NARS2: variants seen among roughly 807,000 people sequenced by gnomAD.
The protein encoded by NARS2 is asparaginyl-tRNA synthetase.
Under a neutral mutation model 62.9 loss-of-function variants are expected in NARS2, and 60 were observed. That is an observed-to-expected ratio of 0.95 (90% CI 0.77 to 1.18). The LOEUF (loss-of-function observed/expected upper bound fraction) is 1.18. Among genes scored for constraint, NARS2 ranks in the 50% most tolerant of loss-of-function variants. NARS2 has a pLI of 0.00. For missense variants in NARS2, 619 were observed against 576.4 expected (o/e 1.07, Z -0.76); for synonymous variants, 196 against 200.0 (o/e 0.98, Z 0.17).
chr11:78,517,716 A>T (rs898652009), intron 6 of NARS2, among the ~76,000 whole-genome samples: 1 of 152,186 alleles, frequency 6.6e-6, no homozygotes, highest in African/African-American at 2.4e-5. Flanking sequence ...AGGGAAGCTA[A>T]ATATTCCTAC....
chr11:78,465,103 C>T (rs779439217), intron 11 of NARS2, among the ~76,000 whole-genome samples: 8 of 152,334 alleles, frequency 5.3e-5, no homozygotes, highest in East Asian at 1.9e-4. Context: ...CTGCAGGTCC[C>T]GAGCCCTGCC....
At chr11:78,494,777 A>C (rs953591069) in intron 6 of NARS2, among the ~76,000 whole-genome samples, 2 of 152,172 alleles carry the variant, frequency 1.3e-5, no homozygotes, top group Non-Finnish European at 2.9e-5. Flanking sequence ...AACCTACCTT[A>C]TGCAGAATGA....
chr11:78,492,106 TATAC>T (rs1258344910), intron 7 of NARS2, among the ~76,000 whole-genome samples: 2 of 136,976 alleles, frequency 1.5e-5, no homozygotes, highest in African/African-American at 2.7e-5. Flanking sequence ...TATATATATA[TATAC>T]AGACACACAC....
intron 6 of NARS2, among the ~76,000 whole-genome samples, chr11:78,506,872 G>A (rs1205921283): frequency 6.6e-6 from 1 of 152,094 alleles, no homozygotes; most frequent in African/African-American, 2.4e-5. Flanking sequence ...GCAGTCTATG[G>A]AATACCCGCA....
chr11:78,509,706 G>T (rs1860641734), intron 6 of NARS2, among the ~76,000 whole-genome samples: 1 of 151,810 alleles, frequency 6.6e-6, no homozygotes. Flanking sequence ...ACTGAAAGGG[G>T]TGAAGAAGGG....
intron 10 of NARS2, 46 bp downstream of exon 10, chr11:78,469,201 G>A (rs1858761009): frequency 1.6e-6 from 2 of 1,280,178 alleles, no homozygotes; most frequent in African/African-American, 1.5e-5. Flanking sequence ...AAGACAAGAA[G>A]GAAGCATTTT....
chr11:78,442,256 CA>C (rs1238321070), intron 12 of NARS2, among the ~76,000 whole-genome samples: 3 of 152,180 alleles, frequency 2.0e-5, no homozygotes, highest in African/African-American at 7.2e-5. Context: ...CAGATTTTTT[CA>C]ACTAGAGTCT....
At chr11:78,536,051 T>C (rs1855325481) in intron 5 of NARS2, among the ~76,000 whole-genome samples, 1 of 152,196 alleles carries the variant, frequency 6.6e-6, no homozygotes, top group Non-Finnish European at 1.5e-5. Context: ...AGTCATGTAC[T>C]ACATACTGAC....
intron 13 of NARS2, among the ~76,000 whole-genome samples, chr11:78,438,573 T>A (rs1857482395): frequency 6.6e-6 from 1 of 152,208 alleles, no homozygotes; most frequent in Admixed American, 6.5e-5. Flanking sequence ...GCAGAGGGGT[T>A]CAGTCTGTAG....
chr11:78,509,873 GT>G (rs934974984), intron 6 of NARS2, among the ~76,000 whole-genome samples: 9 of 150,914 alleles, frequency 6.0e-5, no homozygotes, highest in African/African-American at 2.2e-4. Flanking sequence ...GAAAGTGAGA[GT>G]TTTTGTATGT....
chr11:78,563,691 T>C (rs1433714874), intron 4 of NARS2, among the ~76,000 whole-genome samples: 2 of 147,798 alleles, frequency 1.4e-5, no homozygotes, highest in Non-Finnish European at 3.0e-5. Context: ...ATTAGCTGGG[T>C]GTGGTGGCAC....
Position 78,464,462 on chromosome 11 carries a change from G to A in NARS2, c.1164+1414C>T, listed in dbSNP as rs895752840. Among the ~76,000 whole-genome samples the A allele has an allele frequency of 1.2e-4, 18 of 152,258 alleles. 1 individual carries two copies. Among genetic ancestry groups the A allele is most frequent in the South Asian group, 1.0e-3 (5 of 4,822 alleles). Reference sequence around the variant, plus strand: ...GCAGAGTGGTCTGTTTTGACAGGGCGCTGATTGGTACATTTACAGTCCCTG... The same window carrying A: ...GCAGAGTGGTCTGTTTTGACAGGGCACTGATTGGTACATTTACAGTCCCTG... On this transcript the variant is annotated intron_variant, in intron 11 of 13. Transcript: ENST00000281038.
At chr11:78,517,309 G>C (rs1347654672) in intron 6 of NARS2, among the ~76,000 whole-genome samples, 1 of 152,168 alleles carries the variant, frequency 6.6e-6, no homozygotes, top group African/African-American at 2.4e-5. Flanking sequence ...CAGATTTAGG[G>C]AAAAAGATGA....
At chr11:78,571,555 C>G (rs1347610805) in intron 1 of NARS2, 111 bp from the exon 2 acceptor site, 1 of 674,738 alleles carries the variant, frequency 1.5e-6, no homozygotes, top group Non-Finnish European at 2.6e-6. Context: ...CCTGCCTCAA[C>G]AAATCAACTT....
chr11:78,562,050 A>T (rs1404176015), intron 4 of NARS2, among the ~76,000 whole-genome samples: 2 of 152,138 alleles, frequency 1.3e-5, no homozygotes, highest in Non-Finnish European at 2.9e-5. Flanking sequence ...AAAAAACAAA[A>T]AACAAAAAAC....
At chr11:78,458,026 T>C (rs1001585088) in intron 11 of NARS2, among the ~76,000 whole-genome samples, 17 of 152,062 alleles carry the variant, frequency 1.1e-4, no homozygotes, top group African/African-American at 4.1e-4. Flanking sequence ...TATAGCTAGA[T>C]AGGAGGAATG....
chr11:78,526,073 A>G (rs1174943800), intron 6 of NARS2, among the ~76,000 whole-genome samples: 1 of 152,142 alleles, frequency 6.6e-6, no homozygotes, highest in African/African-American at 2.4e-5. Context: ...GAATAAGGGT[A>G]TTGATGGAAA....
intron 6 of NARS2, among the ~76,000 whole-genome samples, chr11:78,506,013 C>T (rs983759668): frequency 2.2e-4 from 33 of 151,922 alleles, no homozygotes; most frequent in African/African-American, 6.3e-4. Context: ...AATAATAAAA[C>T]AAACAACCTA....
Position 78,469,231 on chromosome 11 carries a change from A to G in NARS2, c.1026+16T>C. 1.1e-5 allele frequency: 17 copies of G among 1,564,252 alleles called. No individual in the cohort carries two copies. Among genetic ancestry groups the G allele is most frequent in the African/African-American group, 1.4e-5 (1 of 74,020 alleles). ...CATTTTCACACACACATATATACAT[A>G]CACACAAAATACTACCTCTGGGGTA... On this transcript the variant is annotated intron_variant, in intron 10 of 13. Coordinates refer to ENST00000281038, the MANE Select transcript of NARS2 (RefSeq NM_024678.6).
Sources: gnomAD v4.1 joint callset for allele counts (sites outside exome capture counted in the v4.1 genomes callset) on GRCh38, gnomAD v4.1.1 for gene constraint, MANE v1.5 for transcripts, NCBI Gene and HGNC (gene_info 2026-07-23, HGNC 2026-07-21) for gene names.